Variants in ZCCHC7 observed in about 807,000 individuals in gnomAD.
ZCCHC7 encodes zinc finger CCHC domain-containing protein 7.
A neutral mutation model predicts 52.0 loss-of-function variants in ZCCHC7; 35 were observed. That is an observed-to-expected ratio of 0.67 (90% CI 0.51 to 0.89). The LOEUF (loss-of-function observed/expected upper bound fraction) is 0.89. Ranked by LOEUF, ZCCHC7 falls within the 40% of genes least tolerant of loss-of-function variation. The pLI is 0.00. For synonymous variants in ZCCHC7, 217 were observed against 221.5 expected (o/e 0.98, Z 0.18); for missense variants, 574 against 649.1 (o/e 0.88, Z 1.26).
intron 2 of ZCCHC7, among the ~76,000 whole-genome samples, chr9:37,228,764 T>A (rs1032865208): frequency 6.6e-6 from 1 of 151,542 alleles, no homozygotes; most frequent in Middle Eastern, 3.2e-3. Flanking sequence ...TATATTCATA[T>A]AAGAAAATAT....
chr9:37,338,869 A>G (rs1306550071), intron 6 of ZCCHC7, among the ~76,000 whole-genome samples: 2 of 152,196 alleles, frequency 1.3e-5, no homozygotes, highest in South Asian at 2.1e-4. Flanking sequence ...ATGAATTTTC[A>G]TAAGGATTTT....
At chr9:37,353,043 C>T (rs949513701) in intron 7 of ZCCHC7, among the ~76,000 whole-genome samples, 2 of 151,548 alleles carry the variant, frequency 1.3e-5, no homozygotes, top group African/African-American at 2.4e-5. Flanking sequence ...CTCTTTTTTT[C>T]AAACAAAAGA....
chr9:37,149,264 T>C (rs1178731003), intron 2 of ZCCHC7, among the ~76,000 whole-genome samples: 1 of 152,202 alleles, frequency 6.6e-6, no homozygotes, highest in African/African-American at 2.4e-5. Context: ...ATAAGTACTC[T>C]TTAATTTATA....
chr9:37,303,438 A>AG (rs1264179872), intron 3 of ZCCHC7, among the ~76,000 whole-genome samples: 3 of 151,420 alleles, frequency 2.0e-5, no homozygotes, highest in African/African-American at 4.8e-5. Context: ...AAAAAAAAAA[A>AG]GAAAGAAAGA....
chr9:37,256,188 G>C (rs1588560315), intron 2 of ZCCHC7, among the ~76,000 whole-genome samples: 1 of 152,220 alleles, frequency 6.6e-6, no homozygotes, highest in East Asian at 1.9e-4. Flanking sequence ...GATAGGTCAT[G>C]GATCTTTGTT....
chr9:37,246,936 T>C lies in ZCCHC7; in HGVS notation c.611-55252T>C, dbSNP rs576925511. ...TACCTCACATACCTGTTTTTTGTGA[T>C]GAGAACACTTAAAACCTACTCTCTT... is the stretch of plus-strand genomic sequence containing the variant. On this transcript the variant is annotated intron_variant, in intron 2 of 8. Coordinates refer to ENST00000336755, the MANE Select transcript of ZCCHC7 (RefSeq NM_032226.3). Among the ~76,000 whole-genome samples, 6 of 152,318 alleles carry C rather than the reference T, an allele frequency of 3.9e-5. No homozygotes were observed. The East Asian group carries it at 9.6e-4, about 24-fold the overall frequency.
intron 2 of ZCCHC7, chr9:37,205,063 T>C (rs1165506003): frequency 6.1e-6 from 1 of 164,394 alleles, no homozygotes; most frequent in Non-Finnish European, 1.3e-5. Flanking sequence ...TTAATGCAGT[T>C]ATTGTGGGAG....
intron 5 of ZCCHC7, among the ~76,000 whole-genome samples, chr9:37,320,260 T>G (rs1010609045): frequency 1.3e-5 from 2 of 152,114 alleles, no homozygotes; most frequent in African/African-American, 4.8e-5. Flanking sequence ...ATATTTTTAG[T>G]AGAGACAGGG....
intron 2 of ZCCHC7, among the ~76,000 whole-genome samples, chr9:37,148,247 T>A (rs1843527784): frequency 6.6e-6 from 1 of 152,104 alleles, no homozygotes; most frequent in African/African-American, 2.4e-5. Context: ...CTGTGCAAGA[T>A]GTGCTGGTAC....
chr9:37,296,734 G>A (rs971987252), intron 2 of ZCCHC7, among the ~76,000 whole-genome samples: 3 of 152,100 alleles, frequency 2.0e-5, no homozygotes, highest in South Asian at 2.1e-4. Context: ...GTTGTCATGC[G>A]CTGTCATCCA....
At chr9:37,326,928 ATATAGT>A in intron 5 of ZCCHC7, 1 of 152,114 alleles carries the variant, frequency 6.6e-6, no homozygotes, top group East Asian at 1.9e-4. Flanking sequence ...CCAACCATTT[ATATAGT>A]TACAAACAAC....
rs530609504 is a variant in ZCCHC7, at chr9:37,151,059, G to A, written c.610+24117G>A. 2.7e-4 allele frequency among the ~76,000 whole-genome samples: 41 copies of A among 151,600 alleles called. No homozygotes were observed. The South Asian group carries it at 4.2e-3, about 15-fold the overall frequency. On this transcript the variant is annotated intron_variant, in intron 2 of 8. Coordinates refer to ENST00000336755, the MANE Select transcript of ZCCHC7 (RefSeq NM_032226.3). ...AGCTCACTGCAAGCTCCGCCTCCCG[G>A]GTTTACGCCATTCTCCTGCCTAAGC...
At chr9:37,125,363 G>GCCCAA in intron 1 of ZCCHC7, among the ~76,000 whole-genome samples, 1 of 151,998 alleles carries the variant, frequency 6.6e-6, no homozygotes, top group South Asian at 2.1e-4. Context: ...TTACTGTGTT[G>GCCCAA]CCCAGGCTGT....
chr9:37,142,556 A>G (rs1843273857), intron 2 of ZCCHC7, among the ~76,000 whole-genome samples: 1 of 151,820 alleles, frequency 6.6e-6, no homozygotes, highest in East Asian at 1.9e-4. Flanking sequence ...GATTTCTATC[A>G]AATGACTTCT....
chr9:37,337,396 CA>C (rs1199733684), intron 6 of ZCCHC7, among the ~76,000 whole-genome samples: 1,993 of 22,532 alleles, frequency 0.088, 8 homozygotes, highest in Non-Finnish European at 0.11. Flanking sequence ...CCACCCTACC[CA>C]CCCACCCCCC....
intron 5 of ZCCHC7, among the ~76,000 whole-genome samples, chr9:37,315,380 G>A (rs1829770485): frequency 6.6e-6 from 1 of 151,924 alleles, no homozygotes; most frequent in Admixed American, 6.6e-5. Flanking sequence ...CAGTTTAATA[G>A]TAAGCGTGAT....
At chr9:37,186,691 A>C (rs1379234468) in intron 2 of ZCCHC7, 2 of 593,090 alleles carry the variant, frequency 3.4e-6, no homozygotes, top group Non-Finnish European at 6.3e-6. Flanking sequence ...TACAGATTCA[A>C]ATATTTTTTT....
intron 5 of ZCCHC7, among the ~76,000 whole-genome samples, chr9:37,312,939 A>G (rs1333319964): frequency 1.3e-5 from 2 of 152,222 alleles, no homozygotes; most frequent in East Asian, 1.9e-4. Flanking sequence ...CGCCTCCCCA[A>G]CAAAGTAACT....
chr9:37,123,190 GGTGTGTGTGTGTGTGT>G (rs58690804), intron 1 of ZCCHC7, among the ~76,000 whole-genome samples: 14 of 148,820 alleles, frequency 9.4e-5, no homozygotes, highest in African/African-American at 1.7e-4. Context: ...CTGAGTCAAG[GGTGTGTGTGTGTGTGT>G]GTGTGTGTGT....
Sources: allele counts gnomAD v4.1 joint callset (sites outside exome capture counted in the v4.1 genomes callset), GRCh38; gene constraint gnomAD v4.1.1; transcripts MANE v1.5; gene names NCBI Gene and HGNC (gene_info 2026-07-23, HGNC 2026-07-21).